TMOD1: variants seen among roughly 807,000 people sequenced by gnomAD.
The protein encoded by TMOD1 is tropomodulin 1, also known as tropomodulin-1.
In TMOD1, 17 loss-of-function variants were observed where a neutral mutation model predicts 40.6. The ratio of observed to expected loss-of-function variants is 0.42; its 90% CI spans 0.29 to 0.63. The LOEUF is 0.63. Ranked by LOEUF, TMOD1 falls within the 20% of genes least tolerant of loss-of-function variation. The probability of loss-of-function intolerance (pLI) is 0.22; values close to 1 mark genes in which losing one functional copy is unlikely to be tolerated. For synonymous variants in TMOD1, 181 were observed against 175.0 expected, an observed-to-expected ratio of 1.03 and a Z score of -0.27; for missense variants, 391 against 447.6, an observed-to-expected ratio of 0.87 and a Z score of 1.14.
chr9:97,511,947 T>A lies in TMOD1; in HGVS notation c.-49+10144T>A, dbSNP rs544852493. ...TGCTGATCAGAAATCTACTTCCTGG[T>A]AATTTCAATAAATCTATGTCTTCTG... On this transcript the variant is annotated intron_variant, in intron 1 of 9. Transcript: ENST00000259365. 4.6e-5 allele frequency among the ~76,000 whole-genome samples: 7 copies of A among 152,318 alleles called. No individual in the cohort carries two copies. In the East Asian group the frequency reaches 1.3e-3, roughly 29 times the overall value.
intron 3 of TMOD1, among the ~76,000 whole-genome samples, chr9:97,547,571 A>C (rs986492573): frequency 2.0e-5 from 3 of 152,232 alleles, no homozygotes; most frequent in Non-Finnish European, 2.9e-5. Flanking sequence ...GATCTCTGTC[A>C]AGCGCTTAGA....
intron 1 of TMOD1, among the ~76,000 whole-genome samples, chr9:97,515,951 A>G (rs949181374): frequency 2.0e-5 from 3 of 152,140 alleles, no homozygotes; most frequent in Non-Finnish European, 4.4e-5. Flanking sequence ...ACATCGGAGG[A>G]GTGGTTATTG....
Position 97,557,404 on chromosome 9 carries a change from G to A in TMOD1, c.397+4004G>A, listed in dbSNP as rs1483374557. On this transcript the variant is annotated intron_variant, in intron 4 of 9. Transcript: ENST00000259365. This position sits in a 1 kb window ranked among gnomAD's most constrained non-coding sequence, Gnocchi z 4.4. ...TTCAGGTGGGGCAGAACCCAGGAAGGAAGTGGGGTAGGGAGACTCATCGTT... is the reference window on the plus strand; with the variant it reads ...TTCAGGTGGGGCAGAACCCAGGAAGAAAGTGGGGTAGGGAGACTCATCGTT... 6.6e-6 allele frequency among the ~76,000 whole-genome samples: 1 copy of A among 152,150 alleles called. No homozygotes were observed. Among genetic ancestry groups the A allele is most frequent in the Non-Finnish European group, 1.5e-5 (1 of 68,016 alleles).
intron 8 of TMOD1, among the ~76,000 whole-genome samples, chr9:97,579,000 A>C (rs1021983203): frequency 6.6e-6 from 1 of 152,170 alleles, no homozygotes; most frequent in African/African-American, 2.4e-5. Flanking sequence ...TCTCCAGGCC[A>C]AAACGGCCAG....
intron 8 of TMOD1, among the ~76,000 whole-genome samples, chr9:97,580,152 G>C (rs1385475309): frequency 2.0e-5 from 3 of 152,200 alleles, no homozygotes; most frequent in African/African-American, 7.2e-5. Flanking sequence ...GGGGCACGAG[G>C]CAGGGCCTGG....
intron 1 of TMOD1, among the ~76,000 whole-genome samples, chr9:97,520,853 C>T (rs1829904130): frequency 3.9e-5 from 6 of 152,202 alleles, no homozygotes; most frequent in African/African-American, 1.4e-4. Flanking sequence ...ATAGTTGCCA[C>T]CTCCTTTCCT....
chr9:97,566,315 C>T (rs10982767), intron 7 of TMOD1, among the ~76,000 whole-genome samples: 55,933 of 152,042 alleles, frequency 0.37, 10,881 homozygotes, highest in African/African-American at 0.49. Flanking sequence ...AATCTTCACT[C>T]GGCACATCAT....
intron 1 of TMOD1, among the ~76,000 whole-genome samples, chr9:97,514,508 A>T (rs1224603259): frequency 6.6e-6 from 1 of 152,162 alleles, no homozygotes; most frequent in Non-Finnish European, 1.5e-5. Context: ...AGCTTGCATG[A>T]GGTCCCACCT....
intron 2 of TMOD1, among the ~76,000 whole-genome samples, chr9:97,531,012 T>G (rs1041737656): frequency 1.0e-4 from 13 of 127,932 alleles, no homozygotes; most frequent in African/African-American, 3.9e-4. Flanking sequence ...GGTCTCGAAC[T>G]CCTGACCTTA....
At position 97,532,900 on chromosome 9, in the gene TMOD1, C is replaced by G. The variant is rs374701923; in HGVS notation, c.120+8592C>G. Among the ~76,000 whole-genome samples the G allele has an allele frequency of 1.5e-3, 232 of 152,314 alleles. 2 individuals are homozygous for G. The highest frequency in any genetic ancestry group is 5.2e-3 in the African/African-American group (215 of 41,560). On this transcript the variant is annotated intron_variant, in intron 2 of 9. Transcript: ENST00000259365. ...TTTACATTTTCAGAACTAAAAGCAA[C>G]AGCAAAACCAGTGCTATGTAGTAAC...
intron 9 of TMOD1, 121 bp from the exon 10 acceptor site, chr9:97,599,513 A>AGAC (rs1826202512): frequency 1.1e-5 from 14 of 1,250,368 alleles, no homozygotes; most frequent in Non-Finnish European, 1.3e-5. Context: ...TCAAAACAAC[A>AGAC]GACTTCAGAC....
intron 8 of TMOD1, among the ~76,000 whole-genome samples, chr9:97,587,239 CAT>C (rs1171815778): frequency 6.6e-6 from 1 of 152,176 alleles, no homozygotes; most frequent in Non-Finnish European, 1.5e-5. Flanking sequence ...TTTATGTAAA[CAT>C]ATGTTTTAAT....
chr9:97,519,562 C>G (rs1345595862), intron 1 of TMOD1, among the ~76,000 whole-genome samples: 1 of 152,224 alleles, frequency 6.6e-6, no homozygotes, highest in African/African-American at 2.4e-5. Context: ...CCCATCCCTC[C>G]CCTCTCAGAC....
chr9:97,566,718 G>C (rs1012262152), intron 7 of TMOD1, among the ~76,000 whole-genome samples: 6 of 152,134 alleles, frequency 3.9e-5, no homozygotes, highest in African/African-American at 1.4e-4. Flanking sequence ...AAAAATGATG[G>C]TTTCATCAGC....
intron 5 of TMOD1, among the ~76,000 whole-genome samples, chr9:97,563,376 C>G (rs1830670346): frequency 6.6e-6 from 1 of 152,156 alleles, no homozygotes; most frequent in Admixed American, 6.5e-5. Flanking sequence ...CTTAATCTAC[C>G]TGGAGTTCAT....
At chr9:97,573,398 G>T (rs370454652) in intron 8 of TMOD1, among the ~76,000 whole-genome samples, 9 of 152,354 alleles carry the variant, frequency 5.9e-5, no homozygotes, top group African/African-American at 2.2e-4. Flanking sequence ...ATTTTGAAGA[G>T]AAGTTAAAGT....
At chr9:97,555,602 G>A in intron 4 of TMOD1, 1 of 1,550,060 alleles carries the variant, frequency 6.5e-7, no homozygotes, top group Non-Finnish European at 8.7e-7. Context: ...AGTGTTAACT[G>A]GCTAACCTTG....
At position 97,518,374 on chromosome 9, in the gene TMOD1, C is replaced by G. The variant is rs190378351; in HGVS notation, c.-48-5767C>G. On this transcript the variant is annotated intron_variant, in intron 1 of 9. Transcript: ENST00000259365. ...AGATTCGTCCTCAGAGCGAGCCAGC[C>G]CTGCTGACCCTTGATTTCTGACTTC... 2.9e-3 allele frequency among the ~76,000 whole-genome samples: 447 copies of G among 152,358 alleles called. 3 individuals carry two copies. The highest frequency in any genetic ancestry group is 4.6e-3 in the Non-Finnish European group (315 of 68,036).
At chr9:97,508,352 C>A (rs1829631203) in intron 1 of TMOD1, among the ~76,000 whole-genome samples, 3 of 151,986 alleles carry the variant, frequency 2.0e-5, no homozygotes, top group Non-Finnish European at 4.4e-5. Context: ...CCACACCTGG[C>A]AAATTTTTGT....
Sources: gnomAD v4.1 joint callset for allele counts (sites outside exome capture counted in the v4.1 genomes callset) on GRCh38, gnomAD v4.1.1 for gene constraint, Gnocchi (gnomAD v3.1) non-coding constraint, MANE v1.5 for transcripts, NCBI Gene and HGNC (gene_info 2026-07-23, HGNC 2026-07-21) for gene names.